TMEM106B: variants seen among roughly 807,000 people sequenced by gnomAD.
TMEM106B encodes the protein transmembrane protein 106B.
A neutral mutation model predicts 31.1 loss-of-function variants in TMEM106B; 15 were observed. The ratio of observed to expected loss-of-function variants is 0.48; its 90% CI spans 0.32 to 0.74. The LOEUF (loss-of-function observed/expected upper bound fraction) is 0.74. Among genes scored for constraint, TMEM106B ranks in the 30% least tolerant of loss-of-function variants. The probability of loss-of-function intolerance (pLI) is 0.03; values close to 1 mark genes in which losing one functional copy is unlikely to be tolerated. For synonymous variants in TMEM106B, 126 were observed against 112.5 expected (o/e 1.12, Z -0.76); for missense variants, 283 against 327.3 (o/e 0.86, Z 1.04).
chr7:12,217,360 G>C lies in TMEM106B; in HGVS notation c.218-1098G>C, dbSNP rs138951171. On this transcript the variant is annotated intron_variant, in intron 2 of 7. Transcript: ENST00000396668. Reference sequence around the variant, plus strand: ...ATGAACTAAGAATGAGGATAGCGAAGAAGATATTAAAGATTTGAAGAGAGT... The same window carrying C: ...ATGAACTAAGAATGAGGATAGCGAACAAGATATTAAAGATTTGAAGAGAGT... 3.8e-3 allele frequency among the ~76,000 whole-genome samples: 586 copies of C among 152,282 alleles called. 4 individuals carry two copies. Among genetic ancestry groups the C allele is most frequent in the African/African-American group, 0.013 (558 of 41,566 alleles).
chr7:12,224,493 G>T (rs1027203461), intron 4 of TMEM106B, 108 bp downstream of exon 4: 1 of 873,372 alleles, frequency 1.1e-6, no homozygotes, highest in Middle Eastern at 3.2e-4. Flanking sequence ...ACACTGGTCA[G>T]TGTGCTTTCT....
At chr7:12,227,946 C>T (rs898774918) in intron 4 of TMEM106B, among the ~76,000 whole-genome samples, 1 of 151,830 alleles carries the variant, frequency 6.6e-6, no homozygotes, top group African/African-American at 2.4e-5. Context: ...CAGAAAAAGA[C>T]ATGTACCAGC....
chr7:12,212,492 A>ATT (rs1397156124), intron 1 of TMEM106B, among the ~76,000 whole-genome samples: 2 of 99,754 alleles, frequency 2.0e-5, no homozygotes, highest in African/African-American at 7.1e-5. Flanking sequence ...ATAAATACAT[A>ATT]GTTTTTTTTT....
chr7:12,220,190 G>A (rs1410837125), intron 3 of TMEM106B, among the ~76,000 whole-genome samples: 2 of 152,250 alleles, frequency 1.3e-5, no homozygotes, highest in South Asian at 2.1e-4. Context: ...ATTACAAAAT[G>A]TATAGACAGA....
chr7:12,231,689 C>A, intron 7 of TMEM106B, 148 bp from the exon 8 acceptor site: 1 of 638,404 alleles, frequency 1.6e-6, no homozygotes, highest in Non-Finnish European at 2.5e-6. Flanking sequence ...GGGAAATACT[C>A]CTTAAGAGGA....
At chr7:12,219,020 T>C (rs1781739103) in intron 3 of TMEM106B, among the ~76,000 whole-genome samples, 1 of 132,920 alleles carries the variant, frequency 7.5e-6, no homozygotes, top group Admixed American at 7.8e-5. Context: ...TCTGTAAAAA[T>C]GACAAGATTT....
intron 7 of TMEM106B, 194 bp downstream of exon 7, chr7:12,231,309 G>T (rs769523168): frequency 4.1e-6 from 2 of 488,720 alleles, no homozygotes; most frequent in South Asian, 5.7e-5. Flanking sequence ...GAAAGACTAC[G>T]TGACTGCTAA....
In TMEM106B at chr7:12,242,224, T is replaced by C. The variant is rs1283731627; in HGVS notation, c.*10249T>C. ...CCGTCTCTACTAAAAATACAAAAAA[T>C]TAGCCGGGCGCGGTGGCGGGCGCCT... On this transcript the variant is annotated 3_prime_UTR_variant, in exon 8 of 8. Coordinates refer to ENST00000396668, the MANE Select transcript of TMEM106B (RefSeq NM_001134232.2). The C allele has an allele frequency of 1.1e-5, 1 of 91,930 alleles. No homozygotes were observed. The highest frequency in any genetic ancestry group is 1.1e-4 in the Admixed American group (1 of 8,826). The allele number at this position is 91,930 out of a possible 1,614,324, so 5.7% of individuals were successfully genotyped here.
At chr7:12,227,223 A>G (rs182911608) in intron 4 of TMEM106B, among the ~76,000 whole-genome samples, 14 of 152,188 alleles carry the variant, frequency 9.2e-5, no homozygotes, top group Admixed American at 2.0e-4. Context: ...TACATTATCT[A>G]TAAGTATGTT....
intron 3 of TMEM106B, among the ~76,000 whole-genome samples, chr7:12,220,203 T>C (rs900532758): frequency 4.6e-5 from 7 of 152,140 alleles, no homozygotes; most frequent in African/African-American, 1.4e-4. Flanking sequence ...TAGACAGATA[T>C]GAATATGAAG....
chr7:12,228,242 C>T (rs1781942711), intron 4 of TMEM106B, among the ~76,000 whole-genome samples: 1 of 151,522 alleles, frequency 6.6e-6, no homozygotes, highest in African/African-American at 2.4e-5. Flanking sequence ...TTCTTTCATC[C>T]TTTTTTTTAC....
chr7:12,215,577 T>TAAAAAAA (rs1781670724), intron 2 of TMEM106B: 1 of 325,178 alleles, frequency 3.1e-6, no homozygotes, highest in Non-Finnish European at 6.4e-6. Context: ...CATGTTATTT[T>TAAAAAAA]TAAAATTTTA....
At chr7:12,213,746 T>C (rs12699324) in intron 1 of TMEM106B, among the ~76,000 whole-genome samples, 75,725 of 151,600 alleles carry the variant, frequency 0.5, 19,729 homozygotes, top group East Asian at 0.64. Flanking sequence ...TTGGATATAA[T>C]CCTAATCCAA....
intron 3 of TMEM106B, among the ~76,000 whole-genome samples, chr7:12,222,722 T>C (rs748127451): frequency 2.0e-5 from 3 of 152,220 alleles, no homozygotes; most frequent in East Asian, 1.9e-4. Context: ...GGGAACTGTT[T>C]TGATTGCTCA....
chr7:12,213,832 C>G (rs1781629212), intron 1 of TMEM106B, among the ~76,000 whole-genome samples: 1 of 152,112 alleles, frequency 6.6e-6, no homozygotes, highest in African/African-American at 2.4e-5. Flanking sequence ...TTCTGAGCCC[C>G]CCAACTAAGT....
chr7:12,222,150 T>C (rs959995762), intron 3 of TMEM106B, among the ~76,000 whole-genome samples: 1 of 152,228 alleles, frequency 6.6e-6, no homozygotes, highest in Non-Finnish European at 1.5e-5. Flanking sequence ...CATTAAATAC[T>C]GCAGGTAGGA....
At position 12,211,351 on chromosome 7, in the gene TMEM106B, T is replaced by C. The variant is rs1003554546; in HGVS notation, c.-77T>C. 2 of 152,330 alleles carry C rather than the reference T, an allele frequency of 1.3e-5. No individual in the cohort carries two copies. The highest frequency in any genetic ancestry group is 2.4e-5 in the African/African-American group (1 of 41,468). 9.4% of individuals were successfully genotyped at this position (152,330 alleles called of 1,614,324 possible). A position where few individuals can be genotyped will look rare whatever the true frequency, so the allele number is the denominator to read the frequency against. On this transcript the variant is annotated 5_prime_UTR_variant, in exon 1 of 8. Coordinates refer to ENST00000396668, the MANE Select transcript of TMEM106B (RefSeq NM_001134232.2). ...CGCTCCACCCCCCGGCTCCCGGGAC[T>C]GTGGACTCCACGACCCTGTCCTCGG...
intron 1 of TMEM106B, 72 bp from the exon 2 acceptor site, chr7:12,214,737 T>C: frequency 8.3e-7 from 1 of 1,200,008 alleles, no homozygotes; most frequent in Non-Finnish European, 1.2e-6. Flanking sequence ...TTAATTAGTG[T>C]AAATATCTCA....
rs1583225259 is a variant in TMEM106B, at chr7:12,237,035, G to A, written c.*5060G>A. On this transcript the variant is annotated 3_prime_UTR_variant, in exon 8 of 8. Coordinates refer to ENST00000396668, the MANE Select transcript of TMEM106B (RefSeq NM_001134232.2). ...CATTTACTGTTTATATTATGTAGTAGCCTCCATCATGACACACTTACTACA... is the reference window on the plus strand; with the variant it reads ...CATTTACTGTTTATATTATGTAGTAACCTCCATCATGACACACTTACTACA... The A allele has an allele frequency of 6.6e-6, 1 of 151,138 alleles. No individual in the cohort carries two copies. Among genetic ancestry groups the A allele is most frequent in the African/African-American group, 2.5e-5 (1 of 40,644 alleles). The allele number at this position is 151,138 out of a possible 1,614,324, so 9.4% of individuals were successfully genotyped here. A position where few individuals can be genotyped will look rare whatever the true frequency, so the allele number is the denominator to read the frequency against.
Sources: allele counts gnomAD v4.1 joint callset (sites outside exome capture counted in the v4.1 genomes callset), GRCh38; gene constraint gnomAD v4.1.1; transcripts MANE v1.5; gene names NCBI Gene and HGNC (gene_info 2026-07-23, HGNC 2026-07-21).